STK32B: variants seen among roughly 807,000 people sequenced by gnomAD.
STK32B encodes the protein serine/threonine kinase 32B.
Under a neutral mutation model 52.6 loss-of-function variants are expected in STK32B, and 43 were observed. The observed-to-expected ratio is 0.82, with a 90% CI of 0.64 to 1.05. The LOEUF (loss-of-function observed/expected upper bound fraction) is 1.05, where lower values mean the gene tolerates loss of function less well. Among genes scored for constraint, STK32B ranks in the 50% least tolerant of loss-of-function variants. STK32B has a pLI of 0.00. For synonymous variants in STK32B, 238 were observed against 204.3 expected, an observed-to-expected ratio of 1.17 and a Z score of -1.41; for missense variants, 621 against 534.6, an observed-to-expected ratio of 1.16 and a Z score of -1.59.
chr4:5,457,579 G>A (rs1293748945), intron 8 of STK32B, among the ~76,000 whole-genome samples: 7 of 151,170 alleles, frequency 4.6e-5, no homozygotes, highest in Non-Finnish European at 1.0e-4. Flanking sequence ...AAGAAATTGG[G>A]TATCTCGGCT....
chr4:5,140,377 A>C, intron 2 of STK32B: 10 of 1,101,554 alleles, frequency 9.1e-6, no homozygotes, highest in Non-Finnish European at 1.1e-5. Flanking sequence ...AGATGGCAGG[A>C]GTTTTTAGAA....
rs144186277 is a variant in STK32B, at chr4:5,113,017, T to C, written c.53-26888T>C. 1.4e-3 allele frequency among the ~76,000 whole-genome samples: 212 copies of C among 152,206 alleles called. 2 individuals carry two copies. Among genetic ancestry groups the C allele is most frequent in the Admixed American group, 9.4e-3 (144 of 15,294 alleles). ...ACAATAACCAAAGAAGGAAAATGTATAGTAGATGAGATGGAGCCTCTGTCA... is the reference window on the plus strand; with the variant it reads ...ACAATAACCAAAGAAGGAAAATGTACAGTAGATGAGATGGAGCCTCTGTCA... On this transcript the variant is annotated intron_variant, in intron 1 of 11. Coordinates refer to ENST00000282908, the MANE Select transcript of STK32B (RefSeq NM_018401.3).
intron 6 of STK32B, among the ~76,000 whole-genome samples, chr4:5,424,449 G>A (rs142064665): frequency 5.2e-4 from 79 of 152,296 alleles, no homozygotes; most frequent in Middle Eastern, 3.4e-3. Context: ...GGCCACCCAT[G>A]GACTAATCAG....
chr4:5,259,196 A>T (rs577591788), intron 3 of STK32B, among the ~76,000 whole-genome samples: 2 of 152,258 alleles, frequency 1.3e-5, no homozygotes, highest in East Asian at 3.9e-4. Context: ...AATCAACATT[A>T]TATATTTATA....
intron 4 of STK32B, among the ~76,000 whole-genome samples, chr4:5,347,891 T>G (rs865909312): frequency 1.6e-4 from 25 of 152,362 alleles, no homozygotes; most frequent in Middle Eastern, 3.4e-3. Context: ...TGCAGAACTA[T>G]GAGTCAATTA....
At chr4:5,082,728 AG>A (rs1302931714) in intron 1 of STK32B, among the ~76,000 whole-genome samples, 2 of 125,524 alleles carry the variant, frequency 1.6e-5, no homozygotes, top group African/African-American at 2.9e-5. Context: ...ACATGTTCGT[AG>A]TAAAAAAAAA....
intron 2 of STK32B, among the ~76,000 whole-genome samples, chr4:5,153,484 T>G (rs2108848176): frequency 6.6e-6 from 1 of 150,664 alleles, no homozygotes; most frequent in South Asian, 2.1e-4. Flanking sequence ...TTTTTTAATT[T>G]GGTAAACTTC....
rs548635733 is a variant in STK32B, at chr4:5,396,882, C to A, written c.435-1325C>A. On this transcript the variant is annotated intron_variant, in intron 4 of 11. Transcript: ENST00000282908. This position sits in a 1 kb window ranked among gnomAD's most constrained non-coding sequence, Gnocchi z 4.7. ...GCCTTTTGTTTTAATTTTATAAGTT[C>A]TCAAGTTCATCCCTCCCATGTGGCT... 6.6e-6 allele frequency among the ~76,000 whole-genome samples: 1 copy of A among 152,316 alleles called. No homozygotes were observed. The highest frequency in any genetic ancestry group is 2.1e-4 in the South Asian group (1 of 4,830).
At chr4:5,192,407 G>A (rs1436657417) in intron 3 of STK32B, among the ~76,000 whole-genome samples, 1 of 152,054 alleles carries the variant, frequency 6.6e-6, no homozygotes, top group Non-Finnish European at 1.5e-5. Context: ...CATAGCAGAA[G>A]GTGCAATTTA....
chr4:5,264,406 T>C (rs1471547629), intron 3 of STK32B, among the ~76,000 whole-genome samples: 1 of 152,178 alleles, frequency 6.6e-6, no homozygotes, highest in Non-Finnish European at 1.5e-5. Flanking sequence ...TTGGGCACTT[T>C]TAATCTAATT....
At chr4:5,092,749 A>C (rs1227881709) in intron 1 of STK32B, among the ~76,000 whole-genome samples, 1 of 152,106 alleles carries the variant, frequency 6.6e-6, no homozygotes, top group Non-Finnish European at 1.5e-5. Context: ...TATCCCGAGA[A>C]CAGCACCAAG....
chr4:5,028,824 T>C, the STK32B span, among the ~76,000 whole-genome samples: 1 of 152,148 alleles, frequency 6.6e-6, no homozygotes, highest in Non-Finnish European at 1.5e-5. Flanking sequence ...TACCTGAGAC[T>C]AGGTAATTTA....
intron 4 of STK32B, among the ~76,000 whole-genome samples, chr4:5,331,666 G>A (rs1732260274): frequency 6.6e-6 from 1 of 152,122 alleles, no homozygotes; most frequent in Non-Finnish European, 1.5e-5. Context: ...AGGGAAGCTG[G>A]AACATTCTGT....
chr4:5,287,902 A>G (rs1728654884), intron 3 of STK32B, among the ~76,000 whole-genome samples: 1 of 152,182 alleles, frequency 6.6e-6, no homozygotes, highest in African/African-American at 2.4e-5. Context: ...TCTGATCTCC[A>G]TTAGCAGTCA....
At chr4:5,423,549 G>A (rs1712820771) in intron 6 of STK32B, among the ~76,000 whole-genome samples, 1 of 152,168 alleles carries the variant, frequency 6.6e-6, no homozygotes, top group Non-Finnish European at 1.5e-5. Flanking sequence ...ATTGCTAATA[G>A]TTCGATAATT....
At chr4:5,468,925 C>T (rs1717644707) in intron 11 of STK32B, among the ~76,000 whole-genome samples, 1 of 152,058 alleles carries the variant, frequency 6.6e-6, no homozygotes, top group Admixed American at 6.6e-5. Flanking sequence ...TGGCGGGCAC[C>T]TGTAGTCCCA....
At chr4:5,457,917 G>A in intron 8 of STK32B, among the ~76,000 whole-genome samples, 1 of 146,008 alleles carries the variant, frequency 6.8e-6, no homozygotes, top group African/African-American at 2.5e-5. Context: ...TGGAGGGAGA[G>A]AGGAAGGAAG....
intron 4 of STK32B, among the ~76,000 whole-genome samples, chr4:5,349,537 C>A (rs1733694025): frequency 6.6e-6 from 1 of 151,850 alleles, no homozygotes; most frequent in East Asian, 1.9e-4. Context: ...GACTATTATG[C>A]CAGATGCACA....
chr4:5,223,997 G>T (rs1723705512), intron 3 of STK32B, among the ~76,000 whole-genome samples: 1 of 152,084 alleles, frequency 6.6e-6, no homozygotes, highest in African/African-American at 2.4e-5. Flanking sequence ...CACATAACTT[G>T]TTTGATTTCA....
Sources: gnomAD v4.1 joint callset for allele counts (sites outside exome capture counted in the v4.1 genomes callset) on GRCh38, gnomAD v4.1.1 for gene constraint, Gnocchi (gnomAD v3.1) non-coding constraint, MANE v1.5 for transcripts, NCBI Gene and HGNC (gene_info 2026-07-23, HGNC 2026-07-21) for gene names.